Variants in DCDC1 observed in about 807,000 individuals in gnomAD.
DCDC1 encodes doublecortin domain containing 1, also known as doublecortin domain-containing protein 1.
A neutral mutation model predicts 178.3 loss-of-function variants in DCDC1; 200 were observed. The ratio of observed to expected loss-of-function variants is 1.12; its 90% CI spans 1.00 to 1.26. The LOEUF (loss-of-function observed/expected upper bound fraction) is 1.26, where lower values mean the gene tolerates loss of function less well. Among genes scored for constraint, DCDC1 ranks in the 50% most tolerant of loss-of-function variants. The probability of loss-of-function intolerance (pLI) is 0.00; values close to 1 mark genes in which losing one functional copy is unlikely to be tolerated. For missense variants in DCDC1, 1,983 were observed against 1,749.2 expected (o/e 1.13, Z -2.38); for synonymous variants, 690 against 604.8 (o/e 1.14, Z -2.07).
Position 30,915,536 on chromosome 11 carries a change from G to C in DCDC1, c.3628C>G (p.Arg1210Gly), listed in dbSNP as rs377384416. The change falls in exon 27 of 39, where the codon CGC becomes GGC. Residue 1210 changes from arginine (R) to glycine (G), a missense_variant. Arg to Gly is a moderately radical substitution (Grantham distance 125). Transcript: ENST00000684477. ...CTGCTGTCTTCCTGGTGTATCCAGC[G>C]CTGATGACTACCATCAGATTTCTTC... ...VEKKSDGSHQ[R>G]WIHQEDSRTF... The C allele has an allele frequency of 1.2e-6, 2 of 1,613,862 alleles. No individual in the cohort carries two copies. The highest frequency in any genetic ancestry group is 2.7e-5 in the African/African-American group (2 of 74,998).
At chr11:31,021,262 G>A (rs1952862780) in intron 20 of DCDC1, among the ~76,000 whole-genome samples, 1 of 152,098 alleles carries the variant, frequency 6.6e-6, no homozygotes, top group Non-Finnish European at 1.5e-5. Flanking sequence ...TATATGCAGT[G>A]AACAAAGTAC....
Position 31,060,256 on chromosome 11 carries a change from CA to C in DCDC1, c.2591+4212del, listed in dbSNP as rs1490176903. Among the ~76,000 whole-genome samples, 11 of 152,032 alleles carry C rather than the reference CA, an allele frequency of 7.2e-5. No individual in the cohort carries two copies. In the East Asian group the frequency reaches 2.1e-3, roughly 29 times the overall value. ...TATAGCAGAAGGACTGACTTTACAG[CA>C]ATTGTAAAAATGTAAATAAGGCTTT... On this transcript the variant is annotated intron_variant, in intron 20 of 38. Coordinates refer to ENST00000684477, the MANE Select transcript of DCDC1 (RefSeq NM_001387274.1).
chr11:30,900,198 A>G, intron 33 of DCDC1, 148 bp downstream of exon 33: 1 of 741,454 alleles, frequency 1.3e-6, no homozygotes, highest in African/African-American at 1.8e-5. Flanking sequence ...TGCACATATT[A>G]GTTGATGAAC....
chr11:31,297,391 G>A (rs770364025), intron 6 of DCDC1, among the ~76,000 whole-genome samples: 7 of 151,392 alleles, frequency 4.6e-5, no homozygotes, highest in Admixed American at 6.6e-5. Context: ...ATAGAGTCTC[G>A]CTATGTCACC....
chr11:31,272,146 G>A (rs2137176212), intron 7 of DCDC1, among the ~76,000 whole-genome samples: 4 of 141,334 alleles, frequency 2.8e-5, no homozygotes. Flanking sequence ...TGGTTGGCAG[G>A]GTGAGACTCC....
chr11:31,304,693 C>T (rs983231080), intron 6 of DCDC1, among the ~76,000 whole-genome samples: 1 of 152,074 alleles, frequency 6.6e-6, no homozygotes, highest in African/African-American at 2.4e-5. Context: ...TTTTCTTCTA[C>T]TTATGCAATT....
rs562225096 is a variant in DCDC1 at position 30,947,475 on chromosome 11, T to C, written c.2715+4970A>G. ...ATACCATGGGAAAAGGACACCTTCT[T>C]CAATAAATGGTGCTGGGGGAAAATG... On this transcript the variant is annotated intron_variant, in intron 21 of 38. Transcript: ENST00000684477. 4.6e-5 allele frequency among the ~76,000 whole-genome samples: 7 copies of C among 152,270 alleles called. No homozygotes were observed. In the South Asian group the frequency reaches 6.2e-4, roughly 14 times the overall value.
chr11:30,889,134 C>T (rs1181679020), intron 36 of DCDC1, among the ~76,000 whole-genome samples: 1 of 152,178 alleles, frequency 6.6e-6, no homozygotes, highest in Non-Finnish European at 1.5e-5. Flanking sequence ...TGGGAGAAGA[C>T]AAACGCTTCA....
intron 6 of DCDC1, among the ~76,000 whole-genome samples, chr11:31,301,659 T>C (rs1948125127): frequency 6.6e-6 from 1 of 152,196 alleles, no homozygotes; most frequent in African/African-American, 2.4e-5. Flanking sequence ...AGAAAAAGTG[T>C]TATGCTGCTA....
chr11:31,082,092 T>G lies in DCDC1; in HGVS notation c.2238-4167A>C, dbSNP rs534840519. Among the ~76,000 whole-genome samples the G allele has an allele frequency of 1.5e-4, 23 of 152,226 alleles. No homozygotes were observed. In the South Asian group the frequency reaches 4.4e-3, roughly 29 times the overall value. On this transcript the variant is annotated intron_variant, in intron 17 of 38. Transcript: ENST00000684477. The stretch of plus-strand genomic sequence containing the variant: ...TCAAAAAGCACCAAGCTAAAAAGAT[T>G]TTTTAAAAACAAAAAATAACAACGA...
At chr11:31,058,196 A>G (rs1308374417) in intron 20 of DCDC1, among the ~76,000 whole-genome samples, 2 of 152,158 alleles carry the variant, frequency 1.3e-5, no homozygotes, top group East Asian at 3.9e-4. Context: ...TCATAGGGCT[A>G]TAGTTGGCTG....
At chr11:31,296,987 C>T (rs556938393) in intron 6 of DCDC1, among the ~76,000 whole-genome samples, 6 of 152,276 alleles carry the variant, frequency 3.9e-5, no homozygotes, top group Admixed American at 3.9e-4. Flanking sequence ...ACCAGGGAAC[C>T]CTCCTATTTA....
chr11:31,127,438 A>G, intron 11 of DCDC1, 31 bp downstream of exon 11: 1 of 695,886 alleles, frequency 1.4e-6, no homozygotes, highest in Non-Finnish European at 2.6e-6. Context: ...GCTCTGGCTG[A>G]ATCCAATGAG....
chr11:31,127,840 T>C (rs1961867676), intron 10 of DCDC1, among the ~76,000 whole-genome samples: 1 of 152,160 alleles, frequency 6.6e-6, no homozygotes, highest in Non-Finnish European at 1.5e-5. Flanking sequence ...GTCTAACATT[T>C]TCACTTCAGT....
chr11:31,055,806 G>A (rs528119074), intron 20 of DCDC1, among the ~76,000 whole-genome samples: 1 of 152,274 alleles, frequency 6.6e-6, no homozygotes, highest in Admixed American at 6.5e-5. Context: ...TAAGCTATGA[G>A]GATGCAAAGG....
At chr11:31,124,991 C>G (rs1961392128) in intron 11 of DCDC1, among the ~76,000 whole-genome samples, 2 of 152,136 alleles carry the variant, frequency 1.3e-5, no homozygotes, top group African/African-American at 4.8e-5. Context: ...CACAAACAGA[C>G]AACCTACAGA....
At chr11:31,128,670 T>C (rs1961992153) in intron 10 of DCDC1, among the ~76,000 whole-genome samples, 1 of 152,148 alleles carries the variant, frequency 6.6e-6, no homozygotes, top group Non-Finnish European at 1.5e-5. Flanking sequence ...ATTCATCACT[T>C]ACTGACTGGG....
chr11:30,992,306 G>T (rs949037759), intron 20 of DCDC1, among the ~76,000 whole-genome samples: 2 of 152,152 alleles, frequency 1.3e-5, no homozygotes, highest in Admixed American at 6.6e-5. Context: ...GTAGCTGAGG[G>T]TTAACCCCTT....
rs577564231 is a variant in DCDC1, at chr11:31,328,243, A to G, written c.38T>C (p.Leu13Pro). 1.4e-4 allele frequency: 228 copies of G among 1,596,678 alleles called. 1 individual carries two copies. The South Asian group carries it at 2.5e-3, about 17-fold the overall frequency. ...CAAGAGGGATAAGGAAGACTGAGAT[A>G]GTGCTTCTCTGTGATCTTCTGCTCC... The part of the protein sequence containing the change: ...KTGAEDHREA[L>P]SQSSLSLLTE... Residue 13 changes from leucine to proline, a missense_variant, in exon 3 of 39, where the codon CTA becomes CCA. Physicochemically the swap from Leu to Pro is moderately conservative, Grantham distance 98 (BLOSUM62 -3). Transcript: ENST00000684477.
Sources: gnomAD v4.1 joint callset for allele counts (sites outside exome capture counted in the v4.1 genomes callset) on GRCh38, gnomAD v4.1.1 for gene constraint, MANE v1.5 for transcripts, NCBI Gene and HGNC (gene_info 2026-07-23, HGNC 2026-07-21) for gene names.